The following CDK14 variants were observed in gnomAD, a reference collection of about 807,000 sequenced individuals.
CDK14 encodes the protein cyclin-dependent kinase 14.
CDK14 carries 34 observed loss-of-function variants against 60.7 expected under a neutral mutation model. The ratio of observed to expected loss-of-function variants is 0.56; its 90% CI spans 0.43 to 0.75. CDK14 has a LOEUF of 0.75. CDK14 is among the 30% of genes least tolerant of loss of function. The pLI is 0.00. For missense variants in CDK14, 482 were observed against 564.1 expected (o/e 0.85, Z 1.47); for synonymous variants, 197 against 203.7 (o/e 0.97, Z 0.28).
At chr7:90,627,617 G>A (rs1033552227) in intron 2 of CDK14, among the ~76,000 whole-genome samples, 4 of 152,132 alleles carry the variant, frequency 2.6e-5, no homozygotes, top group African/African-American at 7.2e-5. Flanking sequence ...CATGAATCTG[G>A]CCTCATGTCT....
intron 2 of CDK14, among the ~76,000 whole-genome samples, chr7:90,649,910 G>A (rs972541102): frequency 4.6e-5 from 7 of 151,882 alleles, no homozygotes; most frequent in African/African-American, 9.7e-5. Flanking sequence ...ATAGTGGTGC[G>A]GTAAACATAC....
At chr7:90,639,045 A>G (rs1417153862) in intron 2 of CDK14, among the ~76,000 whole-genome samples, 1 of 152,108 alleles carries the variant, frequency 6.6e-6, no homozygotes, top group East Asian at 1.9e-4. Context: ...AATTTTTTTC[A>G]AAGTTTTCAA....
chr7:90,623,515 C>T (rs1799816800), intron 2 of CDK14, among the ~76,000 whole-genome samples: 1 of 152,052 alleles, frequency 6.6e-6, no homozygotes. Context: ...AAAGGAAAAC[C>T]TGAAGTGTTC....
At chr7:90,766,808 T>A (rs930697439) in intron 4 of CDK14, among the ~76,000 whole-genome samples, 36 of 152,218 alleles carry the variant, frequency 2.4e-4, no homozygotes, top group Admixed American at 2.0e-3. Context: ...AGCTCTCTCA[T>A]CAACAGCTCT....
intron 10 of CDK14, among the ~76,000 whole-genome samples, chr7:91,011,883 A>C (rs1796169141): frequency 1.4e-5 from 2 of 140,736 alleles, no homozygotes; most frequent in South Asian, 4.1e-4. Context: ...TCTTTTCTAC[A>C]AAGTCTGTCA....
At chr7:90,766,178 A>C (rs1332289198) in intron 4 of CDK14, among the ~76,000 whole-genome samples, 4 of 151,254 alleles carry the variant, frequency 2.6e-5, no homozygotes, top group Non-Finnish European at 5.9e-5. Context: ...ACTAGTTGTG[A>C]TTTTTTTTAA....
chr7:90,862,514 AC>A (rs1791042262), intron 5 of CDK14, among the ~76,000 whole-genome samples: 1 of 152,168 alleles, frequency 6.6e-6, no homozygotes, highest in South Asian at 2.1e-4. Flanking sequence ...AAAAGCAAAA[AC>A]AAGCAGAACT....
At chr7:90,964,500 C>T (rs1794699345) in intron 9 of CDK14, among the ~76,000 whole-genome samples, 2 of 152,298 alleles carry the variant, frequency 1.3e-5, no homozygotes, top group Admixed American at 6.5e-5. Context: ...TTAAGTATAA[C>T]CTATAACTAA....
intron 10 of CDK14, among the ~76,000 whole-genome samples, chr7:91,031,108 A>G (rs1367500405): frequency 6.6e-6 from 1 of 152,204 alleles, no homozygotes; most frequent in Non-Finnish European, 1.5e-5. Context: ...CATGTAGAGA[A>G]TTGTTTCTTC....
At chr7:90,645,613 T>C (rs1214258092) in intron 2 of CDK14, among the ~76,000 whole-genome samples, 1 of 152,142 alleles carries the variant, frequency 6.6e-6, no homozygotes, top group Non-Finnish European at 1.5e-5. Context: ...TTTTTAGAGA[T>C]GAGATCTCAC....
intron 14 of CDK14, among the ~76,000 whole-genome samples, chr7:91,180,715 G>A (rs1453039584): frequency 1.3e-5 from 2 of 152,168 alleles, no homozygotes; most frequent in African/African-American, 4.8e-5. Context: ...ACCCATGCCA[G>A]GGGTGTTTTG....
intron 6 of CDK14, among the ~76,000 whole-genome samples, chr7:90,883,866 A>C (rs1316497892): frequency 6.6e-6 from 1 of 152,228 alleles, no homozygotes; most frequent in South Asian, 2.1e-4. Context: ...GATGCAGAAA[A>C]GGCCTTTGAT....
chr7:90,809,393 G>A (rs1788996968), intron 5 of CDK14, among the ~76,000 whole-genome samples: 1 of 152,088 alleles, frequency 6.6e-6, no homozygotes, highest in African/African-American at 2.4e-5. Context: ...ACAAAATGAA[G>A]GCAGAAATAA....
At chr7:90,861,354 C>T (rs945719322) in intron 5 of CDK14, among the ~76,000 whole-genome samples, 37 of 152,114 alleles carry the variant, frequency 2.4e-4, no homozygotes, top group Admixed American at 1.8e-3. Context: ...ACAACTCATA[C>T]CTTCAAGAGC....
chr7:91,091,516 T>TATATATATATATATATATATATAA (rs1297777867), intron 12 of CDK14, among the ~76,000 whole-genome samples: 1 of 141,064 alleles, frequency 7.1e-6, no homozygotes, highest in African/African-American at 2.7e-5. Flanking sequence ...TATATATATA[T>TATATATATATATATATATATATAA]AAATTAGCCA....
rs545601988 is a variant in CDK14, at chr7:90,943,959, C to T, written c.827-11738C>T. On this transcript the variant is annotated intron_variant, in intron 8 of 14. Coordinates refer to ENST00000380050, the MANE Select transcript of CDK14 (RefSeq NM_001287135.2). ...TTAAGAGGAATTAATGCTGCTCTTG[C>T]AGGACTGGGTTAATCCTCACAGGAG... is the stretch of plus-strand genomic sequence containing the variant. 1.1e-3 allele frequency among the ~76,000 whole-genome samples: 172 copies of T among 152,266 alleles called. 1 individual carries two copies. The highest frequency in any genetic ancestry group is 4.0e-3 in the African/African-American group (168 of 41,566).
chr7:91,149,478 T>C (rs969542190), intron 14 of CDK14, among the ~76,000 whole-genome samples: 1 of 152,184 alleles, frequency 6.6e-6, no homozygotes, highest in African/African-American at 2.4e-5. Context: ...TTTTTAGCAG[T>C]TTAAGCTCTC....
At chr7:91,033,021 GAAC>G (rs1328414004) in intron 10 of CDK14, among the ~76,000 whole-genome samples, 1 of 152,122 alleles carries the variant, frequency 6.6e-6, no homozygotes, top group East Asian at 1.9e-4. Context: ...ACACATTACA[GAAC>G]AACAAGATGG....
chr7:90,925,249 G>C (rs1308314119), intron 8 of CDK14, among the ~76,000 whole-genome samples: 1 of 152,180 alleles, frequency 6.6e-6, no homozygotes, highest in Non-Finnish European at 1.5e-5. Context: ...GTTCATTCCA[G>C]TTATGGAGTA....
Sources: gnomAD v4.1 joint callset for allele counts (sites outside exome capture counted in the v4.1 genomes callset) on GRCh38, gnomAD v4.1.1 for gene constraint, MANE v1.5 for transcripts, NCBI Gene and HGNC (gene_info 2026-07-23, HGNC 2026-07-21) for gene names.